Variants in PRPSAP2 observed in about 807,000 individuals in gnomAD.
PRPSAP2 encodes the protein phosphoribosyl pyrophosphate synthase-associated protein 2.
In PRPSAP2, 24 loss-of-function variants were observed where a neutral mutation model predicts 40.6. The ratio of observed to expected loss-of-function variants is 0.59; its 90% CI spans 0.43 to 0.83. The LOEUF (loss-of-function observed/expected upper bound fraction) is 0.83. Ranked by LOEUF, PRPSAP2 falls within the 40% of genes least tolerant of loss-of-function variation. The pLI is 0.00. For synonymous variants in PRPSAP2, 149 were observed against 164.7 expected (o/e 0.90, Z 0.73); for missense variants, 292 against 465.6 (o/e 0.63, Z 3.43).
chr17:18,897,550 C>A (rs2039988270), intron 8 of PRPSAP2, among the ~76,000 whole-genome samples: 2 of 152,068 alleles, frequency 1.3e-5, no homozygotes, highest in African/African-American at 4.8e-5. Flanking sequence ...CAGCCTCCAC[C>A]TCCCAGGTTC....
chr17:18,898,954 T>A (rs2040093207), intron 8 of PRPSAP2, among the ~76,000 whole-genome samples: 1 of 152,224 alleles, frequency 6.6e-6, no homozygotes, highest in African/African-American at 2.4e-5. Context: ...CAGGCTGGAG[T>A]GCAATGGCGT....
Position 18,902,051 on chromosome 17 carries a change from C to T in PRPSAP2, c.585-9052C>T, listed in dbSNP as rs539702332. Among the ~76,000 whole-genome samples the T allele has an allele frequency of 4.0e-5, 6 of 148,414 alleles. No homozygotes were observed. The South Asian group carries it at 6.5e-4, about 16-fold the overall frequency. On this transcript the variant is annotated intron_variant, in intron 8 of 11. Coordinates refer to ENST00000268835, the MANE Select transcript of PRPSAP2 (RefSeq NM_002767.4). ...CTCCTGCCTTGGCCTCCTAAAGTTC[C>T]GGGATTACAGGCATGAGCCACTGCA...
At chr17:18,926,215 C>T (rs557677680) in intron 10 of PRPSAP2, among the ~76,000 whole-genome samples, 1 of 151,860 alleles carries the variant, frequency 6.6e-6, no homozygotes, top group Admixed American at 6.6e-5. Context: ...AGCACCTTTC[C>T]CCCCGTTCTA....
In PRPSAP2 at chr17:18,922,067, C is replaced by T. The variant is rs142422780; in HGVS notation, c.734-1847C>T. ...GCCTAATCTGGACACTTCATATAAA[C>T]GGAATCATATAATATGTGGGCTTTT... On this transcript the variant is annotated intron_variant, in intron 9 of 11. Coordinates refer to ENST00000268835, the MANE Select transcript of PRPSAP2 (RefSeq NM_002767.4). 7.9e-5 allele frequency among the ~76,000 whole-genome samples: 12 copies of T among 152,298 alleles called. No homozygotes were observed. In the East Asian group the frequency reaches 1.3e-3, roughly 17 times the overall value.
At chr17:18,909,775 C>T (rs537698618) in intron 8 of PRPSAP2, among the ~76,000 whole-genome samples, 3 of 151,954 alleles carry the variant, frequency 2.0e-5, no homozygotes, top group East Asian at 2.0e-4. Context: ...CGTGGTGGCA[C>T]GTGCCTATAA....
At chr17:18,869,133 G>A in intron 4 of PRPSAP2, among the ~76,000 whole-genome samples, 1 of 152,116 alleles carries the variant, frequency 6.6e-6, no homozygotes, top group East Asian at 1.9e-4. Flanking sequence ...GACTCCAGGA[G>A]ACTGGTCCAC....
At chr17:18,897,036 T>C (rs571185781) in intron 8 of PRPSAP2, among the ~76,000 whole-genome samples, 6 of 152,192 alleles carry the variant, frequency 3.9e-5, no homozygotes, top group Non-Finnish European at 8.8e-5. Context: ...TATGGTTTAC[T>C]GCAGCCTGGA....
At chr17:18,868,534 T>G (rs2151887226) in intron 4 of PRPSAP2, among the ~76,000 whole-genome samples, 1 of 151,862 alleles carries the variant, frequency 6.6e-6, no homozygotes, top group Middle Eastern at 3.4e-3. Context: ...ACAGCTTGCA[T>G]GGGCTTGAGA....
intron 5 of PRPSAP2, among the ~76,000 whole-genome samples, chr17:18,873,720 T>G (rs564379568): frequency 2.6e-5 from 4 of 152,254 alleles, no homozygotes; most frequent in South Asian, 4.1e-4. Context: ...ATAAATTAGC[T>G]GAGAGGATAA....
intron 4 of PRPSAP2, among the ~76,000 whole-genome samples, chr17:18,868,172 G>C (rs2037566536): frequency 6.6e-6 from 1 of 151,990 alleles, no homozygotes; most frequent in Non-Finnish European, 1.5e-5. Flanking sequence ...TAGCAATGGT[G>C]GATATTTGAA....
At position 18,911,708 on chromosome 17, in the gene PRPSAP2, C is replaced by G. The variant is rs1312325250; in HGVS notation, c.733+457C>G. Reference sequence around the variant, plus strand: ...ATGCAGCCCTTTGAAATAATCAAGACTATCTGGAAACGAGAAAAATATATG... The same window carrying G: ...ATGCAGCCCTTTGAAATAATCAAGAGTATCTGGAAACGAGAAAAATATATG... On this transcript the variant is annotated intron_variant, in intron 9 of 11. Coordinates refer to ENST00000268835, the MANE Select transcript of PRPSAP2 (RefSeq NM_002767.4). The surrounding 1 kb of genome is among the most constrained non-coding windows in gnomAD (Gnocchi z 4.5). 6.6e-6 allele frequency among the ~76,000 whole-genome samples: 1 copy of G among 152,146 alleles called. No homozygotes were observed. The highest frequency in any genetic ancestry group is 1.5e-5 in the Non-Finnish European group (1 of 68,032).
chr17:18,860,144 C>T (rs2151870495), intron 1 of PRPSAP2, among the ~76,000 whole-genome samples: 1 of 152,312 alleles, frequency 6.6e-6, no homozygotes, highest in African/African-American at 2.4e-5. Flanking sequence ...ACTGCAACCT[C>T]TGCCTCCCAA....
At chr17:18,901,680 TC>T (rs1361430347) in intron 8 of PRPSAP2, among the ~76,000 whole-genome samples, 1 of 151,594 alleles carries the variant, frequency 6.6e-6, no homozygotes, top group African/African-American at 2.4e-5. Context: ...CTGGCCAGAG[TC>T]TTCTCATTTT....
At chr17:18,897,154 C>T (rs2039958364) in intron 8 of PRPSAP2, among the ~76,000 whole-genome samples, 1 of 151,970 alleles carries the variant, frequency 6.6e-6, no homozygotes, top group Non-Finnish European at 1.5e-5. Context: ...GATGGGGTCT[C>T]ACTATATTGC....
At chr17:18,861,260 T>C (rs1278590908) in intron 1 of PRPSAP2, among the ~76,000 whole-genome samples, 1 of 151,232 alleles carries the variant, frequency 6.6e-6, no homozygotes, top group African/African-American at 2.4e-5. Context: ...AGCTTGGGAG[T>C]TTGAGACCAG....
chr17:18,856,442 T>A (rs1407772988), upstream of PRPSAP2: 2 of 152,082 alleles, frequency 1.3e-5, no homozygotes, highest in African/African-American at 4.8e-5. Context: ...ATGCAGATAA[T>A]CACTGGGCTC....
rs2037367187 is a variant in PRPSAP2, at chr17:18,865,573, A to G, written c.-33+9A>G. The G allele has an allele frequency of 5.5e-6, 1 of 182,716 alleles. No individual in the cohort carries two copies. Among genetic ancestry groups the G allele is most frequent in the South Asian group, 2.0e-4 (1 of 5,110 alleles). 11.3% of individuals were successfully genotyped at this position (182,716 alleles called of 1,614,324 possible). On this transcript the variant is annotated intron_variant, in intron 2 of 11. Transcript: ENST00000268835. ...TCAGCTCCGCCTTTCTTGTAAGTTT[A>G]TCATTTCTTCTTAGTGGTTGTGAAC...
intron 8 of PRPSAP2, among the ~76,000 whole-genome samples, chr17:18,900,519 G>T (rs2040201432): frequency 6.6e-6 from 1 of 151,890 alleles, no homozygotes; most frequent in Non-Finnish European, 1.5e-5. Flanking sequence ...CATTCATATT[G>T]AGATTTCACT....
At position 18,877,823 on chromosome 17, in the gene PRPSAP2, G is replaced by A; in HGVS notation, c.365G>A (p.Arg122Lys). The A allele has an allele frequency of 6.2e-7, 1 of 1,613,690 alleles. No homozygotes were observed. The highest frequency in any genetic ancestry group is 2.2e-5 in the East Asian group (1 of 44,866). ...AGCAAGCAGTGCAAGATGAGAAAAA[G>A]AGGCTCCATTGTCTCTAAATTGCTG... is the stretch of plus-strand genomic sequence containing the variant. The part of the protein sequence containing the change: ...PYSKQCKMRK[R>K]GSIVSKLLAS... Residue 122 changes from arginine to lysine, a missense_variant, in exon 6 of 12, where the codon AGA (arginine) becomes AAA (lysine). Around this residue, in one of 2 missense-constraint regions of PRPSAP2, gnomAD observed 241 missense variants for 425.7 expected, o/e 0.57. Coordinates refer to ENST00000268835, the MANE Select transcript of PRPSAP2 (RefSeq NM_002767.4).
Sources: allele counts gnomAD v4.1 joint callset (sites outside exome capture counted in the v4.1 genomes callset), GRCh38; gene constraint gnomAD v4.1.1; regional missense constraint gnomAD v4.1.1; non-coding constraint Gnocchi (gnomAD v3.1); transcripts MANE v1.5; gene names NCBI Gene and HGNC (gene_info 2026-07-23, HGNC 2026-07-21).